DOCK4: variants seen among roughly 807,000 people sequenced by gnomAD.
The protein encoded by DOCK4 is dedicator of cytokinesis protein 4.
DOCK4 carries 97 observed loss-of-function variants against 268.1 expected under a neutral mutation model. The ratio of observed to expected loss-of-function variants is 0.36; its 90% CI spans 0.31 to 0.43. The LOEUF (loss-of-function observed/expected upper bound fraction) is 0.43, where lower values mean the gene tolerates loss of function less well. Ranked by LOEUF, DOCK4 falls within the 20% of genes least tolerant of loss-of-function variation. The pLI, the probability that DOCK4 is intolerant of heterozygous loss-of-function variation, is 1.00. For synonymous variants in DOCK4, 954 were observed against 887.2 expected (o/e 1.08, Z -1.34); for missense variants, 2,145 against 2,455.7 (o/e 0.87, Z 2.67).
In DOCK4 at chr7:111,728,239, G is replaced by C; in HGVS notation, c.*35C>G. ...ATCATACTTCTTATTTTGTAAACGG[G>C]CAAAGAATGCATCGCAGGTACATAG... On this transcript the variant is annotated 3_prime_UTR_variant, in exon 53 of 53. Transcript: ENST00000428084. 3 of 1,416,318 alleles carry C rather than the reference G, an allele frequency of 2.1e-6. No homozygotes were observed. Among genetic ancestry groups the C allele is most frequent in the Non-Finnish European group, 2.8e-6 (3 of 1,075,738 alleles). The allele number at this position is 1,416,318 out of a possible 1,614,324, so 87.7% of individuals were successfully genotyped here. A position where few individuals can be genotyped will look rare whatever the true frequency, so the allele number is the denominator to read the frequency against.
At chr7:111,962,885 C>T (rs140724296) in intron 8 of DOCK4, among the ~76,000 whole-genome samples, 235 of 152,242 alleles carry the variant, frequency 1.5e-3, no homozygotes, top group Non-Finnish European at 2.9e-3. Flanking sequence ...TGTATTTAAT[C>T]ATCGGGATAA....
chr7:111,903,253 T>C (rs1791292400), intron 13 of DOCK4, among the ~76,000 whole-genome samples: 1 of 152,178 alleles, frequency 6.6e-6, no homozygotes, highest in African/African-American at 2.4e-5. Context: ...CTGACAAGGA[T>C]ACAGGTGGGC....
At chr7:111,923,779 C>T (rs1793359551) in intron 12 of DOCK4, among the ~76,000 whole-genome samples, 1 of 152,152 alleles carries the variant, frequency 6.6e-6, no homozygotes, top group South Asian at 2.1e-4. Context: ...CTTCACTGCT[C>T]TTAAATGTTT....
intron 52 of DOCK4, among the ~76,000 whole-genome samples, chr7:111,730,634 G>A (rs981830765): frequency 3.4e-5 from 5 of 145,422 alleles, no homozygotes; most frequent in African/African-American, 1.4e-4. Context: ...GCTGGCTGGG[G>A]TAAAAAAAAA....
intron 30 of DOCK4, among the ~76,000 whole-genome samples, chr7:111,796,518 T>A (rs1799904926): frequency 6.6e-6 from 1 of 152,242 alleles, no homozygotes; most frequent in South Asian, 2.1e-4. Context: ...CAAATGTTAG[T>A]CTCAATATTT....
intron 1 of DOCK4, among the ~76,000 whole-genome samples, chr7:112,187,732 C>T (rs1819595868): frequency 1.3e-5 from 2 of 152,114 alleles, no homozygotes; most frequent in Admixed American, 6.5e-5. Flanking sequence ...GGAGTAAATG[C>T]AACCAGTCGA....
chr7:112,032,842 T>C (rs1042085910), intron 1 of DOCK4, among the ~76,000 whole-genome samples: 3 of 152,166 alleles, frequency 2.0e-5, no homozygotes, highest in African/African-American at 7.2e-5. Flanking sequence ...CTGAATAATT[T>C]TCTCTAATAT....
At chr7:112,047,724 G>A (rs948153441) in intron 1 of DOCK4, among the ~76,000 whole-genome samples, 6 of 152,084 alleles carry the variant, frequency 3.9e-5, no homozygotes, top group Non-Finnish European at 8.8e-5. Flanking sequence ...AGTCTTGCTC[G>A]CTCAGTTGCC....
At chr7:111,863,125 A>G in intron 23 of DOCK4, 1 of 469,918 alleles carries the variant, frequency 2.1e-6, no homozygotes, top group South Asian at 2.2e-5. Flanking sequence ...TCTCTGAAGG[A>G]GTGTTAAATC....
At chr7:112,117,124 T>A (rs561589633) in intron 1 of DOCK4, among the ~76,000 whole-genome samples, 1 of 152,338 alleles carries the variant, frequency 6.6e-6, no homozygotes, top group African/African-American at 2.4e-5. Flanking sequence ...GTTCACTGCC[T>A]GTGTTGTAAG....
At chr7:112,082,591 C>T (rs1225682323) in intron 1 of DOCK4, among the ~76,000 whole-genome samples, 1 of 152,074 alleles carries the variant, frequency 6.6e-6, no homozygotes, top group East Asian at 1.9e-4. Context: ...ACCGGAAAAG[C>T]CTACAGAGAA....
intron 25 of DOCK4, chr7:111,840,826 T>G (rs767109192): frequency 2.1e-5 from 29 of 1,350,454 alleles, no homozygotes; most frequent in Non-Finnish European, 2.7e-5. Context: ...AGGTGCTCAA[T>G]GTAGTACTGC....
intron 26 of DOCK4, among the ~76,000 whole-genome samples, 180 bp from the exon 27 acceptor site, chr7:111,822,636 C>CAAA (rs1173809451): frequency 6.6e-6 from 1 of 152,188 alleles, no homozygotes; most frequent in East Asian, 1.9e-4. Context: ...TCTCAGGACT[C>CAAA]AAACCCACCC....
chr7:112,030,644 G>A (rs1271677408), intron 1 of DOCK4, among the ~76,000 whole-genome samples: 1 of 152,128 alleles, frequency 6.6e-6, no homozygotes, highest in African/African-American at 2.4e-5. Context: ...GAGTTGGTGA[G>A]AAAGATCTTT....
intron 12 of DOCK4, among the ~76,000 whole-genome samples, chr7:111,926,313 T>C (rs961222502): frequency 1.4e-5 from 2 of 143,704 alleles, no homozygotes; most frequent in South Asian, 2.2e-4. Flanking sequence ...CGCCTGTAGT[T>C]CCAGCTATTC....
chr7:111,898,217 C>T (rs1790820421), intron 15 of DOCK4, among the ~76,000 whole-genome samples: 1 of 152,190 alleles, frequency 6.6e-6, no homozygotes, highest in South Asian at 2.1e-4. Flanking sequence ...GGTCTCCTTG[C>T]TATTCCTTGA....
chr7:112,078,180 CTCA>C (rs1808254738), intron 1 of DOCK4, among the ~76,000 whole-genome samples: 1 of 152,070 alleles, frequency 6.6e-6, no homozygotes, highest in South Asian at 2.1e-4. Context: ...GATTTTATCT[CTCA>C]TGTTTTTTTA....
intron 1 of DOCK4, among the ~76,000 whole-genome samples, chr7:112,107,793 GGAA>G (rs1330239990): frequency 6.6e-6 from 1 of 152,226 alleles, no homozygotes. Context: ...TCCTCAGGTA[GGAA>G]GAAGTACATA....
intron 43 of DOCK4, 75 bp from the exon 44 acceptor site, chr7:111,746,492 C>G (rs1269464962): frequency 1.7e-6 from 2 of 1,190,324 alleles, no homozygotes; most frequent in Admixed American, 4.0e-5. Context: ...TTTTAAAGAC[C>G]TGGCATCTTT....
Sources: gnomAD v4.1 joint callset for allele counts (sites outside exome capture counted in the v4.1 genomes callset) on GRCh38, gnomAD v4.1.1 for gene constraint, MANE v1.5 for transcripts, NCBI Gene and HGNC (gene_info 2026-07-23, HGNC 2026-07-21) for gene names.